OTOGL: variants seen among roughly 807,000 people sequenced by gnomAD.
The protein encoded by OTOGL is otogelin like, also known as otogelin-like protein.
Under a neutral mutation model 318.5 loss-of-function variants are expected in OTOGL, and 285 were observed. The observed-to-expected ratio is 0.89, with a 90% CI of 0.81 to 0.99. The LOEUF (loss-of-function observed/expected upper bound fraction) is 0.99. Among genes scored for constraint, OTOGL ranks in the 50% least tolerant of loss-of-function variants. The pLI is 0.00. For missense variants in OTOGL, 2,899 were observed against 2,845.6 expected (o/e 1.02, Z -0.43); for synonymous variants, 987 against 936.5 (o/e 1.05, Z -0.99).
chr12:80,291,302 A>G (rs1282674546), intron 26 of OTOGL, among the ~76,000 whole-genome samples: 2 of 152,228 alleles, frequency 1.3e-5, no homozygotes, highest in Non-Finnish European at 2.9e-5. Flanking sequence ...GGACCAATGT[A>G]CTTGCAAAAT....
At chr12:80,283,379 A>G (rs1592653930) in intron 26 of OTOGL, among the ~76,000 whole-genome samples, 1 of 151,820 alleles carries the variant, frequency 6.6e-6, no homozygotes, top group Admixed American at 6.6e-5. Context: ...TTCTCAGTGT[A>G]CTTTCTGTGT....
intron 44 of OTOGL, among the ~76,000 whole-genome samples, chr12:80,347,972 G>GT: frequency 6.6e-6 from 1 of 152,128 alleles, no homozygotes; most frequent in African/African-American, 2.4e-5. Flanking sequence ...GGGGTTGTTT[G>GT]TTTTTTTCTT....
At chr12:80,232,479 A>G (rs891407760) in intron 8 of OTOGL, among the ~76,000 whole-genome samples, 5 of 152,202 alleles carry the variant, frequency 3.3e-5, no homozygotes, top group African/African-American at 4.8e-5. Flanking sequence ...TTGCTTCAAA[A>G]TTGTTGAGCA....
intron 28 of OTOGL, among the ~76,000 whole-genome samples, chr12:80,304,556 G>A (rs1885985776): frequency 6.6e-6 from 1 of 152,264 alleles, no homozygotes; most frequent in South Asian, 2.1e-4. Flanking sequence ...TCATAAATGT[G>A]AAATATGATT....
At chr12:80,188,812 A>G (rs1296241555) in intron 1 of OTOGL, among the ~76,000 whole-genome samples, 5 of 152,146 alleles carry the variant, frequency 3.3e-5, no homozygotes, top group Non-Finnish European at 7.3e-5. Flanking sequence ...TAAACAATCG[A>G]TCCTCCACAG....
At chr12:80,156,350 A>C (rs1873114204) in intron 1 of OTOGL, among the ~76,000 whole-genome samples, 1 of 152,212 alleles carries the variant, frequency 6.6e-6, no homozygotes, top group Non-Finnish European at 1.5e-5. Flanking sequence ...GCTTACAGAC[A>C]GCCTATTGTG....
intron 35 of OTOGL, among the ~76,000 whole-genome samples, chr12:80,327,953 T>G (rs1887795958): frequency 1.3e-5 from 1 of 76,586 alleles, no homozygotes; most frequent in African/African-American, 6.0e-5. Flanking sequence ...AGCGAGACTC[T>G]GTCTCAAAAA....
At position 80,219,833 on chromosome 12, in the gene OTOGL, C is replaced by A. The variant is rs1406093545; in HGVS notation, c.255C>A (p.Cys85Ter). ...SKIKGSCPYE[C>*]LNGAFCSKTG... Reference sequence around the variant, plus strand: ...CCTCAGGTTCTTGTCCTTATGAATGCCTTAATGGAGCTTTCTGTTCTAAGA... The same window carrying A: ...CCTCAGGTTCTTGTCCTTATGAATGACTTAATGGAGCTTTCTGTTCTAAGA... The change falls in exon 6 of 59, where the codon TGC (cysteine) becomes TGA (stop). Residue 85 changes from cysteine (C) to a stop codon, truncating the protein, a stop_gained. Coordinates refer to ENST00000547103, the MANE Select transcript of OTOGL (RefSeq NM_001378609.3). LOFTEE classifies it high-confidence loss of function. 6.3e-7 allele frequency: 1 copy of A among 1,587,236 alleles called. No individual in the cohort carries two copies. The highest frequency in any genetic ancestry group is 8.5e-7 in the Non-Finnish European group (1 of 1,171,290).
At chr12:80,302,144 AAC>A (rs1885806060) in intron 27 of OTOGL, among the ~76,000 whole-genome samples, 1 of 152,202 alleles carries the variant, frequency 6.6e-6, no homozygotes, top group Admixed American at 6.5e-5. Context: ...TCTCCTACCA[AAC>A]TTAATGATTC....
intron 1 of OTOGL, among the ~76,000 whole-genome samples, chr12:80,111,214 C>G (rs963323878): frequency 1.3e-5 from 2 of 152,160 alleles, no homozygotes; most frequent in African/African-American, 4.8e-5. Flanking sequence ...CCTGTTCACT[C>G]CAATGATAGT....
At chr12:80,353,547 C>T (rs1056243072) in intron 46 of OTOGL, 37 bp downstream of exon 46, 35 of 1,349,232 alleles carry the variant, frequency 2.6e-5, no homozygotes, top group African/African-American at 7.4e-5. Flanking sequence ...CTCAGGAATC[C>T]GGCAAACAAA....
At chr12:80,266,224 TGA>T in intron 20 of OTOGL, 1 of 523,226 alleles carries the variant, frequency 1.9e-6, no homozygotes, top group Non-Finnish European at 3.4e-6. Context: ...TTTGCGAAGC[TGA>T]AAATACTTAC....
intron 38 of OTOGL, 115 bp from the exon 39 acceptor site, chr12:80,335,848 A>G: frequency 1.1e-6 from 1 of 941,442 alleles, no homozygotes; most frequent in Non-Finnish European, 1.4e-6. Flanking sequence ...TTATCTTTCA[A>G]AAGTTTTTGT....
At chr12:80,283,033 T>C (rs975984952) in intron 26 of OTOGL, among the ~76,000 whole-genome samples, 4 of 152,016 alleles carry the variant, frequency 2.6e-5, no homozygotes, top group Non-Finnish European at 4.4e-5. Context: ...AGTGGACATC[T>C]GTTTGTGGTT....
intron 29 of OTOGL, 28 bp from the exon 30 acceptor site, chr12:80,310,580 ACTT>A (rs1886563633): frequency 1.4e-6 from 2 of 1,473,194 alleles, no homozygotes; most frequent in Non-Finnish European, 1.9e-6. Context: ...CCCTTTGAAA[ACTT>A]CTTTTCTCTC....
intron 30 of OTOGL, among the ~76,000 whole-genome samples, chr12:80,312,996 A>G (rs1886733568): frequency 6.6e-6 from 1 of 152,168 alleles, no homozygotes. Context: ...AGCTACTTAA[A>G]TGTAATGCAA....
rs184037194 is a variant in OTOGL, at chr12:80,138,329, A to G, written c.-20+38724A>G. 1.2e-3 allele frequency among the ~76,000 whole-genome samples: 176 copies of G among 152,310 alleles called. 2 individuals are homozygous for G. In the South Asian group the frequency reaches 0.012, roughly 11 times the overall value. On this transcript the variant is annotated intron_variant, in intron 1 of 58. Coordinates refer to ENST00000547103, the MANE Select transcript of OTOGL (RefSeq NM_001378609.3). ...TTCTTAGTTTCCTCATCTATAAAAT[A>G]GTGATCATAATATCTCTAATAAAGC...
intron 43 of OTOGL, among the ~76,000 whole-genome samples, chr12:80,339,526 C>T (rs1298161071): frequency 6.6e-6 from 1 of 151,768 alleles, no homozygotes; most frequent in Non-Finnish European, 1.5e-5. Context: ...TTTGTATTTC[C>T]ACTAGCTCAT....
intron 58 of OTOGL, 80 bp from the exon 59 acceptor site, chr12:80,377,768 C>G: frequency 9.0e-7 from 1 of 1,111,254 alleles, no homozygotes; most frequent in Non-Finnish European, 1.3e-6. Flanking sequence ...AGATTTTCAT[C>G]AGATTTTCTT....
Sources: allele counts gnomAD v4.1 joint callset (sites outside exome capture counted in the v4.1 genomes callset), GRCh38; gene constraint gnomAD v4.1.1; transcripts MANE v1.5; gene names NCBI Gene and HGNC (gene_info 2026-07-23, HGNC 2026-07-21).